CNTNAP5: variants seen among roughly 807,000 people sequenced by gnomAD.
CNTNAP5 encodes the protein contactin associated protein family member 5.
CNTNAP5 carries 72 observed loss-of-function variants against 150.2 expected under a neutral mutation model. The observed-to-expected ratio is 0.48, with a 90% CI of 0.40 to 0.58. The LOEUF is 0.58. Among genes scored for constraint, CNTNAP5 ranks in the 20% least tolerant of loss-of-function variants. CNTNAP5 has a pLI of 0.00. For synonymous variants in CNTNAP5, 672 were observed against 619.8 expected (o/e 1.08, Z -1.25); for missense variants, 1,636 against 1,626.2 (o/e 1.01, Z -0.10).
intron 6 of CNTNAP5, among the ~76,000 whole-genome samples, chr2:124,458,330 A>G (rs1339396474): frequency 9.7e-6 from 1 of 103,062 alleles, no homozygotes; most frequent in Non-Finnish European, 2.1e-5. Context: ...ATGGAATACT[A>G]CTCAACCGTA....
At chr2:124,140,702 A>T (rs1266527987) in intron 1 of CNTNAP5, among the ~76,000 whole-genome samples, 1 of 94,058 alleles carries the variant, frequency 1.1e-5, no homozygotes, top group African/African-American at 3.5e-5. Context: ...AACAGAACAG[A>T]AAAACTGGAA....
Position 124,599,724 on chromosome 2 carries a change from GT to G in CNTNAP5, c.1757-10070del, listed in dbSNP as rs1465879489. On this transcript the variant is annotated intron_variant, in intron 11 of 23. Coordinates refer to ENST00000682447, the MANE Select transcript of CNTNAP5 (RefSeq NM_001367498.1). ...CAATCTTACTCTATTATCTCAGGGA[GT>G]TTTTTTGTTTTTGTTTTTGTTTTTG... 3.3e-5 allele frequency among the ~76,000 whole-genome samples: 5 copies of G among 152,068 alleles called. No individual in the cohort carries two copies. The South Asian group carries it at 1.0e-3, about 31-fold the overall frequency.
intron 4 of CNTNAP5, among the ~76,000 whole-genome samples, chr2:124,419,239 C>G (rs1427684489): frequency 6.8e-6 from 1 of 147,054 alleles, no homozygotes; most frequent in Non-Finnish European, 1.5e-5. Context: ...ATCTAAGAAT[C>G]TTATTACTCT....
At chr2:124,364,232 G>T (rs2104719118) in intron 3 of CNTNAP5, among the ~76,000 whole-genome samples, 1 of 152,238 alleles carries the variant, frequency 6.6e-6, no homozygotes, top group South Asian at 2.1e-4. Context: ...ACACACTAGG[G>T]TCTTTGCTCT....
chr2:124,684,150 A>C (rs1463517949), intron 13 of CNTNAP5, among the ~76,000 whole-genome samples: 2 of 152,200 alleles, frequency 1.3e-5, no homozygotes, highest in Non-Finnish European at 2.9e-5. Context: ...TAAAAGCTAA[A>C]TGTGTAAACA....
intron 3 of CNTNAP5, among the ~76,000 whole-genome samples, chr2:124,394,371 C>CAAAA (rs70996062): frequency 6.6e-5 from 7 of 106,302 alleles, no homozygotes; most frequent in Non-Finnish European, 1.2e-4. Context: ...GACTCTGTCT[C>CAAAA]AAAAAAAAAA....
intron 1 of CNTNAP5, among the ~76,000 whole-genome samples, chr2:124,039,417 C>A (rs1473913230): frequency 6.6e-6 from 1 of 152,154 alleles, no homozygotes; most frequent in Non-Finnish European, 1.5e-5. Context: ...ACGGGGCAAA[C>A]CCCTGAGTGT....
At chr2:124,876,846 A>G (rs1677870618) in intron 21 of CNTNAP5, among the ~76,000 whole-genome samples, 1 of 152,034 alleles carries the variant, frequency 6.6e-6, no homozygotes, top group African/African-American at 2.4e-5. Flanking sequence ...TGTTTGGGTA[A>G]TAAAGTATTT....
intron 11 of CNTNAP5, among the ~76,000 whole-genome samples, chr2:124,581,139 G>A (rs1053532523): frequency 6.6e-6 from 1 of 152,110 alleles, no homozygotes. Flanking sequence ...CTGGAGAGGC[G>A]GTAGGAAACA....
chr2:124,757,092 C>T (rs1680856281), intron 14 of CNTNAP5, among the ~76,000 whole-genome samples: 1 of 152,060 alleles, frequency 6.6e-6, no homozygotes, highest in Non-Finnish European at 1.5e-5. Context: ...TTCCTTCTCC[C>T]CAAAATAGGG....
intron 3 of CNTNAP5, among the ~76,000 whole-genome samples, chr2:124,414,416 A>G (rs990262257): frequency 2.2e-4 from 34 of 152,162 alleles, no homozygotes; most frequent in African/African-American, 8.0e-4. Context: ...CCCTGGGACC[A>G]TGCATTGAAA....
At chr2:124,556,516 A>G in intron 10 of CNTNAP5, among the ~76,000 whole-genome samples, 1 of 152,212 alleles carries the variant, frequency 6.6e-6, no homozygotes, top group East Asian at 1.9e-4. Flanking sequence ...GATCTGCCTT[A>G]GGTTTTTATG....
chr2:124,292,226 A>G (rs576602121), intron 3 of CNTNAP5, among the ~76,000 whole-genome samples: 89 of 152,122 alleles, frequency 5.9e-4, no homozygotes, highest in African/African-American at 2.1e-3. Context: ...AACATTTCCC[A>G]GTATCTTTAA....
chr2:124,591,019 T>C (rs1174277586), intron 11 of CNTNAP5, among the ~76,000 whole-genome samples: 4 of 152,206 alleles, frequency 2.6e-5, no homozygotes, highest in Non-Finnish European at 5.9e-5. Flanking sequence ...CTGATCCATC[T>C]GCTCTGTCCA....
intron 12 of CNTNAP5, among the ~76,000 whole-genome samples, chr2:124,644,828 T>C (rs890341066): frequency 6.6e-6 from 1 of 152,152 alleles, no homozygotes; most frequent in East Asian, 1.9e-4. Context: ...CAAGCAATCA[T>C]TTCTCCTGTC....
chr2:124,249,134 C>A (rs566471533), intron 3 of CNTNAP5, among the ~76,000 whole-genome samples: 1 of 152,174 alleles, frequency 6.6e-6, no homozygotes, highest in South Asian at 2.1e-4. Context: ...CCCTACAAAC[C>A]ATCAATTCTC....
chr2:124,886,023 C>T (rs1678073316), intron 21 of CNTNAP5, among the ~76,000 whole-genome samples: 1 of 151,964 alleles, frequency 6.6e-6, no homozygotes, highest in Non-Finnish European at 1.5e-5. Context: ...CATTAACACG[C>T]GAGGGCTAGC....
intron 10 of CNTNAP5, among the ~76,000 whole-genome samples, chr2:124,529,016 G>T (rs1049452638): frequency 4.6e-5 from 7 of 151,312 alleles, no homozygotes; most frequent in African/African-American, 1.2e-4. Flanking sequence ...CTATGCATGG[G>T]ATCATCAACA....
intron 19 of CNTNAP5, among the ~76,000 whole-genome samples, chr2:124,823,951 T>C (rs1434066595): frequency 1.3e-5 from 2 of 150,606 alleles, no homozygotes; most frequent in African/African-American, 4.9e-5. Context: ...GGAGTTTTAC[T>C]CTTGTTTCCC....
Sources: gnomAD v4.1 joint callset for allele counts (sites outside exome capture counted in the v4.1 genomes callset) on GRCh38, gnomAD v4.1.1 for gene constraint, MANE v1.5 for transcripts, NCBI Gene and HGNC (gene_info 2026-07-23, HGNC 2026-07-21) for gene names.